DACH2: variants seen among roughly 807,000 people sequenced by gnomAD.
DACH2 encodes the protein dachshund family transcription factor 2.
DACH2 carries 17 observed loss-of-function variants against 35.8 expected under a neutral mutation model. The ratio of observed to expected loss-of-function variants is 0.48; its 90% CI spans 0.33 to 0.71. The LOEUF is 0.71. Ranked by LOEUF, DACH2 falls within the 30% of genes least tolerant of loss-of-function variation. DACH2 has a pLI of 0.02. For missense variants in DACH2, 469 were observed against 472.7 expected (o/e 0.99, Z 0.07); for synonymous variants, 195 against 177.3 (o/e 1.10, Z -0.79).
At chrX:86,585,408 T>C (rs181620194) in intron 3 of DACH2, among the ~76,000 whole-genome samples, 1 of 111,312 alleles carries the variant, frequency 9.0e-6, no homozygotes, top group Admixed American at 9.6e-5. Flanking sequence ...TCATTTAACT[T>C]TTATTTTAGG....
chrX:86,334,973 A>G (rs935910884), intron 1 of DACH2, among the ~76,000 whole-genome samples: 5 of 112,356 alleles, frequency 4.5e-5, no homozygotes, highest in African/African-American at 1.3e-4. Context: ...AGTTTTCTGC[A>G]TATGGCTAGC....
At chrX:86,626,579 G>T (rs1239924688) in intron 3 of DACH2, among the ~76,000 whole-genome samples, 1 of 113,049 alleles carries the variant, frequency 8.8e-6, no homozygotes, top group African/African-American at 3.2e-5. Flanking sequence ...CTCCATGAGA[G>T]CCCTGCCCCT....
At chrX:86,230,896 C>T (rs1440631783) in intron 1 of DACH2, among the ~76,000 whole-genome samples, 1 of 112,045 alleles carries the variant, frequency 8.9e-6, no homozygotes, top group Non-Finnish European at 1.9e-5. Flanking sequence ...GTTAATCTTG[C>T]AAATGATATA....
chrX:86,616,907 T>TA (rs1299325960), intron 3 of DACH2, among the ~76,000 whole-genome samples: 2 of 112,153 alleles, frequency 1.8e-5, no homozygotes, highest in African/African-American at 6.5e-5. Flanking sequence ...GTTTTACATT[T>TA]AATTCTTTAA....
At chrX:86,245,882 A>C (rs1341292319) in intron 1 of DACH2, among the ~76,000 whole-genome samples, 4 of 111,948 alleles carry the variant, frequency 3.6e-5, no homozygotes, top group Non-Finnish European at 7.5e-5. Context: ...AAAGATAATC[A>C]GAATTCAGGT....
At chrX:86,310,645 A>G (rs1030820267) in intron 1 of DACH2, among the ~76,000 whole-genome samples, 11 of 111,901 alleles carry the variant, frequency 9.8e-5, no homozygotes, top group African/African-American at 3.6e-4. Context: ...ATGCGATTAT[A>G]TACTGATTCA....
chrX:86,690,861 A>G (rs1003297723), intron 4 of DACH2, among the ~76,000 whole-genome samples: 2 of 111,762 alleles, frequency 1.8e-5, no homozygotes. Flanking sequence ...TGCTTGTAGT[A>G]CTGTTTATTG....
chrX:86,666,503 G>A (rs1324877788), intron 4 of DACH2, among the ~76,000 whole-genome samples: 1 of 111,913 alleles, frequency 8.9e-6, no homozygotes, highest in Non-Finnish European at 1.9e-5. Context: ...TTGACATTAA[G>A]TTGGGAAATT....
At chrX:86,411,574 A>G (rs1268242952) in intron 2 of DACH2, among the ~76,000 whole-genome samples, 1 of 111,576 alleles carries the variant, frequency 9.0e-6, no homozygotes, top group Non-Finnish European at 1.9e-5. Flanking sequence ...CTGGTCCCCA[A>G]CCCTAATACT....
intron 7 of DACH2, among the ~76,000 whole-genome samples, chrX:86,809,531 T>C (rs2042375790): frequency 9.0e-6 from 1 of 111,675 alleles, no homozygotes; most frequent in African/African-American, 3.2e-5. Context: ...ATCTGATGTA[T>C]GGTTTGACAG....
At chrX:86,408,674 G>T (rs1253505302) in intron 2 of DACH2, among the ~76,000 whole-genome samples, 2 of 111,517 alleles carry the variant, frequency 1.8e-5, no homozygotes, top group African/African-American at 6.5e-5. Context: ...TAAAATTGGA[G>T]TAGAAAAAAC....
intron 1 of DACH2, among the ~76,000 whole-genome samples, chrX:86,360,008 A>C (rs1257004765): frequency 1.8e-5 from 2 of 108,305 alleles, no homozygotes; most frequent in African/African-American, 6.7e-5. Flanking sequence ...CAGCCTCCTG[A>C]GTAGCTGGGA....
chrX:86,323,278 C>A (rs1395332188), intron 1 of DACH2, among the ~76,000 whole-genome samples: 3 of 112,231 alleles, frequency 2.7e-5, no homozygotes, highest in Admixed American at 1.9e-4. Flanking sequence ...AGTGCTGTCT[C>A]CTTACATGGA....
At chrX:86,263,068 A>G (rs1602334460) in intron 1 of DACH2, 3 of 626,145 alleles carry the variant, frequency 4.8e-6, no homozygotes, top group African/African-American at 2.5e-5. Flanking sequence ...AGGAGAAAAA[A>G]GCATCATAAT....
chrX:86,363,901 A>T (rs965693894), intron 1 of DACH2, among the ~76,000 whole-genome samples: 7 of 111,540 alleles, frequency 6.3e-5, no homozygotes, highest in African/African-American at 2.3e-4. Context: ...TCCTATAGTT[A>T]AAAAATTATC....
rs549827955 is a variant in DACH2 at position 86,546,507 on chromosome X, T to C, written c.640+32116T>C. On this transcript the variant is annotated intron_variant, in intron 3 of 11. Coordinates refer to ENST00000373125, the MANE Select transcript of DACH2 (RefSeq NM_053281.3). ...TTCCTCTTCTTCTTCTTCTTTCTTT[T>C]TTTTTTTTTTTTTTTAAGACAGAGT... Among the ~76,000 whole-genome samples, 373 of 65,189 alleles carry C rather than the reference T, an allele frequency of 5.7e-3. 13 individuals are homozygous for C. In the South Asian group the frequency reaches 0.12, roughly 21 times the overall value. The allele number at this position is 65,189 out of a possible 115,157, so 56.6% of individuals were successfully genotyped here.
intron 1 of DACH2, among the ~76,000 whole-genome samples, chrX:86,170,221 C>T (rs1231909691): frequency 9.0e-6 from 1 of 111,581 alleles, no homozygotes; most frequent in Non-Finnish European, 1.9e-5. Context: ...TTCTGAGCCA[C>T]CTAAAGCTGG....
intron 1 of DACH2, among the ~76,000 whole-genome samples, chrX:86,236,913 A>C (rs2033066888): frequency 8.9e-6 from 1 of 112,508 alleles, no homozygotes; most frequent in Non-Finnish European, 1.9e-5. Context: ...GTAATTTTTT[A>C]CTTTACGAAC....
intron 1 of DACH2, among the ~76,000 whole-genome samples, chrX:86,321,608 G>A (rs56776446): frequency 0.012 from 1,319 of 111,441 alleles, 16 homozygotes; most frequent in African/African-American, 0.042. Context: ...CTACCTATTG[G>A]GAGTGGTTTT....
Sources: gnomAD v4.1 joint callset for allele counts (sites outside exome capture counted in the v4.1 genomes callset) on GRCh38, gnomAD v4.1.1 for gene constraint, MANE v1.5 for transcripts, NCBI Gene and HGNC (gene_info 2026-07-23, HGNC 2026-07-21) for gene names.